ZNF654: variants seen among roughly 807,000 people sequenced by gnomAD.
ZNF654 encodes the protein melanoma-associated antigen.
Under a neutral mutation model 95.3 loss-of-function variants are expected in ZNF654, and 19 were observed. The ratio of observed to expected loss-of-function variants is 0.20; its 90% CI spans 0.14 to 0.29. The LOEUF is 0.29. Ranked by LOEUF, ZNF654 falls within the 10% of genes least tolerant of loss-of-function variation. ZNF654 has a pLI of 1.00. For synonymous variants in ZNF654, 413 were observed against 457.9 expected (o/e 0.90, Z 1.25); for missense variants, 1,046 against 1,341.0 (o/e 0.78, Z 3.44).
At chr3:88,115,864 A>G (rs1332484238) in intron 3 of ZNF654, among the ~76,000 whole-genome samples, 1 of 152,190 alleles carries the variant, frequency 6.6e-6, no homozygotes, top group East Asian at 1.9e-4. Context: ...ATAATGTAAA[A>G]TGAGGGAAAA....
intron 2 of ZNF654, among the ~76,000 whole-genome samples, chr3:88,101,808 T>C (rs1257879193): frequency 1.3e-5 from 2 of 152,190 alleles, no homozygotes; most frequent in East Asian, 1.9e-4. Context: ...GCAGTTTCTT[T>C]ACATCTTCAC....
At position 88,114,619 on chromosome 3, in the gene ZNF654, T is replaced by G. The variant is rs577102500; in HGVS notation, c.414+1423T>G. On this transcript the variant is annotated intron_variant, in intron 3 of 8. Transcript: ENST00000636215. ...AAAAATCTCTGCCATTTCTGCCACT[T>G]TTGTTACTGTGGCTTCTTCCTACTC... Among the ~76,000 whole-genome samples, 20 of 152,316 alleles carry G rather than the reference T, an allele frequency of 1.3e-4. No individual in the cohort carries two copies. The South Asian group carries it at 4.1e-3, about 32-fold the overall frequency.
intron 1 of ZNF654, among the ~76,000 whole-genome samples, chr3:88,071,420 G>A (rs1281598686): frequency 5.9e-5 from 9 of 152,108 alleles, no homozygotes; most frequent in Non-Finnish European, 1.0e-4. Flanking sequence ...TGAGGCGGGC[G>A]GATCACAAAG....
At chr3:88,111,427 C>T (rs1013485103) in intron 2 of ZNF654, among the ~76,000 whole-genome samples, 11 of 151,752 alleles carry the variant, frequency 7.2e-5, no homozygotes, top group African/African-American at 2.4e-4. Context: ...CACCTCCATT[C>T]CCATTTACAC....
At chr3:88,062,045 C>G (rs959049) in intron 1 of ZNF654, among the ~76,000 whole-genome samples, 119,127 of 152,052 alleles carry the variant, frequency 0.78, 47,584 homozygotes, top group South Asian at 0.91. Flanking sequence ...GTGTCTTTTA[C>G]CATAAGGAAA....
intron 3 of ZNF654, 124 bp from the exon 4 acceptor site, chr3:88,126,010 C>A (rs1706078279): frequency 1.9e-6 from 2 of 1,060,434 alleles, no homozygotes; most frequent in Non-Finnish European, 2.6e-6. Context: ...ACAATAGTAA[C>A]CCTTTCTCTT....
At chr3:88,071,419 C>T (rs1384324994) in intron 1 of ZNF654, among the ~76,000 whole-genome samples, 1 of 152,040 alleles carries the variant, frequency 6.6e-6, no homozygotes, top group Admixed American at 6.5e-5. Context: ...CTGAGGCGGG[C>T]GGATCACAAA....
At chr3:88,069,461 C>G (rs541793369) in intron 1 of ZNF654, among the ~76,000 whole-genome samples, 11 of 152,234 alleles carry the variant, frequency 7.2e-5, no homozygotes, top group African/African-American at 1.7e-4. Flanking sequence ...AGTCCACCCC[C>G]CAACCCACTT....
intron 7 of ZNF654, 48 bp downstream of exon 7, chr3:88,135,250 C>T: frequency 7.6e-7 from 1 of 1,315,944 alleles, no homozygotes; most frequent in Non-Finnish European, 9.8e-7. Flanking sequence ...AGTGACAGTT[C>T]ACTGAAACTT....
chr3:88,129,785 T>C lies in ZNF654; in HGVS notation c.852T>C (p.Phe284=). 6.5e-7 allele frequency: 1 copy of C among 1,527,158 alleles called. No homozygotes were observed. The highest frequency in any genetic ancestry group is 1.2e-5 in the South Asian group (1 of 82,830). The allele number at this position is 1,527,158 out of a possible 1,614,324, so 94.6% of individuals were successfully genotyped here. ...TAGCCTTGCAACTCTGTGAATCCTT[T>C]CTTATTCCACAGCTCCAGAATGGGG... The part of the protein sequence containing the change: ...TMLALQLCES[F]LIPQLQNGDM... Residue 284 remains phenylalanine (F), a synonymous_variant, in exon 6 of 9, where the codon TTT becomes TTC. Coordinates refer to ENST00000636215, the MANE Select transcript of ZNF654 (RefSeq NM_001350134.2).
At chr3:88,082,151 G>A (rs1440778600) in intron 1 of ZNF654, among the ~76,000 whole-genome samples, 1 of 147,664 alleles carries the variant, frequency 6.8e-6, no homozygotes, top group African/African-American at 2.5e-5. Flanking sequence ...TTTTTGAGAT[G>A]GAGTCTCGCT....
intron 6 of ZNF654, among the ~76,000 whole-genome samples, chr3:88,131,382 T>C (rs1706455384): frequency 6.6e-6 from 1 of 152,192 alleles, no homozygotes; most frequent in Non-Finnish European, 1.5e-5. Context: ...AAAATAGTCA[T>C]GACAGTTATA....
intron 2 of ZNF654, 26 bp from the exon 3 acceptor site, chr3:88,113,088 TG>T: frequency 4.2e-6 from 6 of 1,438,074 alleles, no homozygotes; most frequent in Non-Finnish European, 5.6e-6. Context: ...AAAGAAGCAA[TG>T]AAAGTTATTC....
In ZNF654 at chr3:88,088,103, A is replaced by G. The variant is rs146065682; in HGVS notation, c.332+1701A>G. ...CCTATACTACTTTTTTATTTCCTCT[A>G]TATAAATTAAATAACCTTGGAGCAA... On this transcript the variant is annotated intron_variant, in intron 2 of 8. Transcript: ENST00000636215. 3.7e-3 allele frequency among the ~76,000 whole-genome samples: 566 copies of G among 152,332 alleles called. 6 individuals are homozygous for G. The highest frequency in any genetic ancestry group is 0.013 in the African/African-American group (535 of 41,574).
chr3:88,136,182 T>G (rs1171337455), intron 7 of ZNF654, among the ~76,000 whole-genome samples: 3 of 152,274 alleles, frequency 2.0e-5, no homozygotes, highest in Non-Finnish European at 2.9e-5. Context: ...TTTTAAACAA[T>G]AAAGATGTAT....
chr3:88,108,577 A>G (rs1425917684), intron 2 of ZNF654, among the ~76,000 whole-genome samples: 2 of 152,168 alleles, frequency 1.3e-5, no homozygotes, highest in Non-Finnish European at 2.9e-5. Flanking sequence ...ATCTCACACC[A>G]TCCCAACTAG....
chr3:88,111,068 A>C (rs540468972), intron 2 of ZNF654, among the ~76,000 whole-genome samples: 5 of 152,020 alleles, frequency 3.3e-5, no homozygotes, highest in Non-Finnish European at 7.4e-5. Flanking sequence ...TGTTTTAGGA[A>C]GATAATAACT....
chr3:88,075,688 T>A (rs1707761404), intron 1 of ZNF654, among the ~76,000 whole-genome samples: 1 of 152,234 alleles, frequency 6.6e-6, no homozygotes, highest in African/African-American at 2.4e-5. Flanking sequence ...TCATTTCAGA[T>A]AAGCAGCTGG....
At chr3:88,100,847 T>G (rs1210674167) in intron 2 of ZNF654, among the ~76,000 whole-genome samples, 1 of 152,098 alleles carries the variant, frequency 6.6e-6, no homozygotes, top group African/African-American at 2.4e-5. Flanking sequence ...CATCAGGAGA[T>G]ATACCTAATG....
Sources: allele counts gnomAD v4.1 joint callset (sites outside exome capture counted in the v4.1 genomes callset), GRCh38; gene constraint gnomAD v4.1.1; transcripts MANE v1.5; gene names NCBI Gene and HGNC (gene_info 2026-07-23, HGNC 2026-07-21).